The following TP73 variants were observed in gnomAD, a reference collection of about 807,000 sequenced individuals.
TP73 encodes tumor protein p73, also known as p53-like transcription factor.
In TP73, 25 loss-of-function variants were observed where a neutral mutation model predicts 62.5. The observed-to-expected ratio is 0.40, with a 90% confidence interval of 0.29 to 0.56. TP73 has a LOEUF of 0.56. TP73 is among the 20% of genes least tolerant of loss of function. The pLI is 0.46. For missense variants in TP73, 754 were observed against 913.3 expected, an observed-to-expected ratio of 0.83 and a Z score of 2.25; for synonymous variants, 423 against 377.5, an observed-to-expected ratio of 1.12 and a Z score of -1.40.
rs539574279 is a variant in TP73, at chr1:3,656,524, G to A, written c.-34+3883G>A. ...TTCCCTGTAATCCCCACAATAGCCCGTTGAAGTAGATACTATAATTATGCC... is the reference window on the plus strand; with the variant it reads ...TTCCCTGTAATCCCCACAATAGCCCATTGAAGTAGATACTATAATTATGCC... On this transcript the variant is annotated intron_variant, in intron 1 of 13. Coordinates refer to ENST00000378295, the MANE Select transcript of TP73 (RefSeq NM_005427.4). Among the ~76,000 whole-genome samples the A allele has an allele frequency of 7.1e-4, 108 of 152,332 alleles. 1 individual carries two copies. The highest frequency in any genetic ancestry group is 2.2e-3 in the African/African-American group (90 of 41,562).
In TP73 at chr1:3,663,707, A is replaced by G. The variant is rs12062999; in HGVS notation, c.-34+11066A>G. Among the ~76,000 whole-genome samples, 22,959 of 148,854 alleles carry G rather than the reference A, an allele frequency of 0.15. 1,952 individuals are homozygous for G. The highest frequency in any genetic ancestry group is 0.22 in the Admixed American group (3,240 of 15,006). Reference sequence around the variant, plus strand: ...CGAGACTCCATCTCAAAAAAAAAAAAAAAGAAAGAAAGAAAGGATACAGAC... The same window carrying G: ...CGAGACTCCATCTCAAAAAAAAAAAGAAAGAAAGAAAGAAAGGATACAGAC... On this transcript the variant is annotated intron_variant, in intron 1 of 13. Transcript: ENST00000378295. This position sits in a 1 kb window ranked among gnomAD's most constrained non-coding sequence, Gnocchi z 4.7.
At chr1:3,687,057 A>AGGGCCTGCTGCCTTTGCC (rs1645676277) in intron 3 of TP73, among the ~76,000 whole-genome samples, 1 of 152,202 alleles carries the variant, frequency 6.6e-6, no homozygotes, top group South Asian at 2.1e-4. Flanking sequence ...ATCTGGGACC[A>AGGGCCTGCTGCCTTTGCC]GGGCCTGCTG....
chr1:3,727,017 C>T (rs562779744), intron 6 of TP73, 98 bp from the exon 7 acceptor site: 18 of 1,001,070 alleles, frequency 1.8e-5, no homozygotes, highest in South Asian at 1.2e-4. Flanking sequence ...CCCCTGCCTA[C>T]GTGGAGCCAG....
chr1:3,726,037 G>GTGGA (rs1388846078), intron 6 of TP73, among the ~76,000 whole-genome samples: 1 of 86,474 alleles, frequency 1.2e-5, no homozygotes, highest in Admixed American at 1.1e-4. Context: ...GGATGTGTGG[G>GTGGA]TGGATGGATG....
intron 3 of TP73, among the ~76,000 whole-genome samples, chr1:3,691,156 GCCCACCTGCTGGGCAGGGA>G (rs1412320738): frequency 2.6e-5 from 4 of 152,138 alleles, no homozygotes; most frequent in African/African-American, 9.7e-5. Flanking sequence ...AACAGCCTGT[GCCCACCTGCTGGGCAGGGA>G]CCCGCAGCCA....
intron 3 of TP73, among the ~76,000 whole-genome samples, chr1:3,697,486 G>A (rs1011076462): frequency 1.3e-5 from 2 of 152,152 alleles, no homozygotes; most frequent in African/African-American, 2.4e-5. Flanking sequence ...ACCTTTTCCC[G>A]AGCCCGTCCT....
At chr1:3,667,365 T>C (rs1314118473) in intron 1 of TP73, among the ~76,000 whole-genome samples, 3 of 152,226 alleles carry the variant, frequency 2.0e-5, no homozygotes, top group African/African-American at 7.2e-5. Flanking sequence ...CATTCTGTGC[T>C]GCTCATTGTG....
At chr1:3,731,644 C>A in intron 13 of TP73, 88 bp downstream of exon 13, 1 of 1,249,814 alleles carries the variant, frequency 8.0e-7, no homozygotes, top group Non-Finnish European at 1.2e-6. Flanking sequence ...TCCTTGCTCT[C>A]GTGGCTGGGA....
Position 3,699,855 on chromosome 1 carries a change from C to T in TP73, c.187-7694C>T, listed in dbSNP as rs1280416215. On this transcript the variant is annotated intron_variant, in intron 3 of 13. Transcript: ENST00000378295. This position sits in a 1 kb window ranked among gnomAD's most constrained non-coding sequence, Gnocchi z 4.1. ...CCCTACTACGCTTTTTCACGTGCCT[C>T]CCTCTCTGACTCGGATCCTAAGTGA... 1.3e-5 allele frequency among the ~76,000 whole-genome samples: 2 copies of T among 152,196 alleles called. No individual in the cohort carries two copies. Among genetic ancestry groups the T allele is most frequent in the South Asian group, 4.2e-4 (2 of 4,818 alleles).
intron 1 of TP73, among the ~76,000 whole-genome samples, chr1:3,671,259 G>C (rs192005690): frequency 9.4e-4 from 143 of 152,320 alleles, no homozygotes; most frequent in African/African-American, 3.4e-3. Context: ...GTGACGGGAA[G>C]CAGCCCCCTC....
intron 6 of TP73, among the ~76,000 whole-genome samples, chr1:3,723,858 G>C (rs1641298777): frequency 6.6e-6 from 1 of 152,320 alleles, no homozygotes; most frequent in African/African-American, 2.4e-5. Flanking sequence ...GGATTGGCTG[G>C]GGCAGAACCA....
At chr1:3,712,946 CA>C (rs2124429201) in intron 4 of TP73, among the ~76,000 whole-genome samples, 1 of 149,322 alleles carries the variant, frequency 6.7e-6, no homozygotes, top group East Asian at 2.0e-4. Context: ...CCCCCTGCCC[CA>C]CCCTCTGCTC....
In TP73 at chr1:3,723,385, C is replaced by T. The variant is rs371607923; in HGVS notation, c.648C>T (p.Arg216=). Residue 216 remains arginine, a synonymous_variant, in exon 6 of 14, where the codon CGC becomes CGT. Transcript: ENST00000378295. The part of the protein sequence containing the change: ...GQSAPASHLI[R]VEGNNLSQYV... ...CTGCTCCAGCCAGCCACCTCATCCG[C>T]GTGGAAGGCAATAATCTCTCGCAGT... 9 of 1,612,512 alleles carry T rather than the reference C, an allele frequency of 5.6e-6. No homozygotes were observed. The highest frequency in any genetic ancestry group is 2.2e-5 in the East Asian group (1 of 44,892).
At chr1:3,681,073 C>T (rs1645507429) in intron 1 of TP73, among the ~76,000 whole-genome samples, 1 of 152,206 alleles carries the variant, frequency 6.6e-6, no homozygotes, top group African/African-American at 2.4e-5. Flanking sequence ...TGTCCCAGGC[C>T]ATCATGGCTC....
At chr1:3,723,919 G>A (rs1283069257) in intron 6 of TP73, among the ~76,000 whole-genome samples, 3 of 152,160 alleles carry the variant, frequency 2.0e-5, no homozygotes, top group Non-Finnish European at 2.9e-5. Flanking sequence ...GGGGGTTGAG[G>A]GATGGTGGAA....
chr1:3,682,444 G>C lies in TP73; in HGVS notation c.65+14G>C, dbSNP rs1269090502. On this transcript the variant is annotated intron_variant, in intron 2 of 13. Coordinates refer to ENST00000378295, the MANE Select transcript of TP73 (RefSeq NM_005427.4). Reference sequence around the variant, plus strand: ...CTGGAGCTCTCTGTGAGTGCGCTTGGCTGGCCAGAGCTGGGGGCCCCCCTG... The same window carrying C: ...CTGGAGCTCTCTGTGAGTGCGCTTGCCTGGCCAGAGCTGGGGGCCCCCCTG... 3 of 1,488,730 alleles carry C rather than the reference G, an allele frequency of 2.0e-6. No homozygotes were observed. Among genetic ancestry groups the C allele is most frequent in the Non-Finnish European group, 2.7e-6 (3 of 1,104,660 alleles). 92.2% of individuals were successfully genotyped at this position (1,488,730 alleles called of 1,614,324 possible). A position where few individuals can be genotyped will look rare whatever the true frequency, so the allele number is the denominator to read the frequency against.
In TP73 at chr1:3,663,984, C is replaced by T. The variant is rs1645055490; in HGVS notation, c.-34+11343C>T. On this transcript the variant is annotated intron_variant, in intron 1 of 13. Coordinates refer to ENST00000378295, the MANE Select transcript of TP73 (RefSeq NM_005427.4). The surrounding 1 kb of genome is among the most constrained non-coding windows in gnomAD (Gnocchi z 4.7). ...ACCCTGGGGGTCGTGGCCGGCCCCC[C>T]TCCCTCCATGCCACAGGCTCTCTGG... Among the ~76,000 whole-genome samples, 1 of 152,218 alleles carries T rather than the reference C, an allele frequency of 6.6e-6. No individual in the cohort carries two copies. The highest frequency in any genetic ancestry group is 1.5e-5 in the Non-Finnish European group (1 of 68,034).
In TP73 at chr1:3,666,281, A is replaced by G. The variant is rs1253210831; in HGVS notation, c.-34+13640A>G. On this transcript the variant is annotated intron_variant, in intron 1 of 13. Coordinates refer to ENST00000378295, the MANE Select transcript of TP73 (RefSeq NM_005427.4). This position sits in a 1 kb window ranked among gnomAD's most constrained non-coding sequence, Gnocchi z 6.4. ...GCCTGTGTCCTGAGTAGCTGTGACCATAGACACACACCACCACATCCAGTT... is the reference window on the plus strand; with the variant it reads ...GCCTGTGTCCTGAGTAGCTGTGACCGTAGACACACACCACCACATCCAGTT... 3.9e-5 allele frequency among the ~76,000 whole-genome samples: 6 copies of G among 152,166 alleles called. No homozygotes were observed. Among genetic ancestry groups the G allele is most frequent in the African/African-American group, 1.2e-4 (5 of 41,430 alleles).
chr1:3,728,282 G>A (rs867015637), intron 9 of TP73, 65 bp downstream of exon 9: 1 of 1,547,796 alleles, frequency 6.5e-7, no homozygotes, highest in Middle Eastern at 1.7e-4. Context: ...GCTGAGCCCA[G>A]GCTGGGCCAT....
Sources: gnomAD v4.1 joint callset for allele counts (sites outside exome capture counted in the v4.1 genomes callset) on GRCh38, gnomAD v4.1.1 for gene constraint, Gnocchi (gnomAD v3.1) non-coding constraint, MANE v1.5 for transcripts, NCBI Gene and HGNC (gene_info 2026-07-23, HGNC 2026-07-21) for gene names.